The following DLL4 variants were observed in gnomAD, a reference collection of about 807,000 sequenced individuals.
The protein encoded by DLL4 is delta-like protein 4.
A neutral mutation model predicts 73.6 loss-of-function variants in DLL4; 7 were observed. The ratio of observed to expected loss-of-function variants is 0.10; its 90% CI spans 0.05 to 0.18. The LOEUF (loss-of-function observed/expected upper bound fraction) is 0.18, where lower values mean the gene tolerates loss of function less well. Among genes scored for constraint, DLL4 ranks in the 10% least tolerant of loss-of-function variants. The probability of loss-of-function intolerance (pLI) is 1.00; values close to 1 mark genes in which losing one functional copy is unlikely to be tolerated. For synonymous variants in DLL4, 345 were observed against 374.3 expected (o/e 0.92, Z 0.90); for missense variants, 614 against 929.9 (o/e 0.66, Z 4.42).
Position 40,936,860 on chromosome 15 carries a change from G to A in DLL4, c.1873G>A (p.Gly625Arg), listed in dbSNP as rs374530606. 175 of 1,613,092 alleles carry A rather than the reference G, an allele frequency of 1.1e-4. No individual in the cohort carries two copies. Among genetic ancestry groups the A allele is most frequent in the Non-Finnish European group, 1.4e-4 (164 of 1,179,870 alleles). The part of the protein sequence containing the change: ...YNLAPGPLGR[G>R]TMPGKFPHSD... ...TCTGGCCCCAGGGCCCCTGGGGCGGGGGACCATGCCAGGAAAGTTTCCCCA... is the reference window on the plus strand; with the variant it reads ...TCTGGCCCCAGGGCCCCTGGGGCGGAGGACCATGCCAGGAAAGTTTCCCCA... Residue 625 changes from glycine to arginine, a missense_variant, in exon 9 of 11, where the codon GGG becomes AGG. Coordinates refer to ENST00000249749, the MANE Select transcript of DLL4 (RefSeq NM_019074.4).
chr15:40,934,587 G>A lies in DLL4; in HGVS notation c.890G>A (p.Gly297Glu), dbSNP rs1208822131. Residue 297 changes from glycine to glutamate, a missense_variant, in exon 7 of 11, where the codon GGG becomes GAG. Gly to Glu is a moderately conservative substitution (Grantham distance 98, BLOSUM62 -2). Transcript: ENST00000249749. ...ACCCACCACTCCCCATGCAAGAATG[G>A]GGCAACGTGCTCCAACAGTGGGCAG... ...YCTHHSPCKN[G>E]ATCSNSGQRS... 2.5e-6 allele frequency: 4 copies of A among 1,613,750 alleles called. No homozygotes were observed. The highest frequency in any genetic ancestry group is 3.3e-5 in the Admixed American group (2 of 59,986).
chr15:40,938,839 T>C lies in DLL4; in HGVS notation c.*805T>C, dbSNP rs1249488688. On this transcript the variant is annotated 3_prime_UTR_variant, in exon 11 of 11. Transcript: ENST00000249749. ...TGGGCCCTTTCCTCCCTCAAGCCCA[T>C]CTCCACAACCTCGAGCCTGGGCTCT... is the stretch of plus-strand genomic sequence containing the variant. 1 of 152,156 alleles carries C rather than the reference T, an allele frequency of 6.6e-6. No individual in the cohort carries two copies. The highest frequency in any genetic ancestry group is 1.5e-5 in the Non-Finnish European group (1 of 67,984). 9.4% of individuals were successfully genotyped at this position (152,156 alleles called of 1,614,324 possible).
In DLL4 at chr15:40,930,289, G is replaced by T; in HGVS notation, c.336+173G>T. The T allele has an allele frequency of 5.9e-6, 5 of 841,984 alleles. No homozygotes were observed. Among genetic ancestry groups the T allele is most frequent in the Non-Finnish European group, 9.0e-6 (5 of 554,644 alleles). 52.2% of individuals were successfully genotyped at this position (841,984 alleles called of 1,614,324 possible). ...TCTCCTGAGACTGATCCCAGAAAAG[G>T]CTCTCACCAGTCTCCGTCTTCCCAG... On this transcript the variant is annotated intron_variant, in intron 2 of 10. Transcript: ENST00000249749. The surrounding 1 kb of genome is among the most constrained non-coding windows in gnomAD (Gnocchi z 5.7).
Position 40,930,770 on chromosome 15 carries a change from T to G in DLL4, c.394+88T>G. The stretch of plus-strand genomic sequence containing the variant: ...GTTCTAGGCGGGGGAAGTGCGGGCT[T>G]GGGGGTGGGAGGCAGGACGCTTAGC... On this transcript the variant is annotated intron_variant, in intron 3 of 10. Transcript: ENST00000249749. The surrounding 1 kb of genome is among the most constrained non-coding windows in gnomAD (Gnocchi z 5.7). 5.2e-5 allele frequency: 64 copies of G among 1,222,454 alleles called. No homozygotes were observed. Among genetic ancestry groups the G allele is most frequent in the Non-Finnish European group, 6.2e-5 (53 of 849,010 alleles). The allele number at this position is 1,222,454 out of a possible 1,614,324, so 75.7% of individuals were successfully genotyped here.
chr15:40,933,083 C>T (rs545928240), intron 6 of DLL4, among the ~76,000 whole-genome samples: 1 of 152,278 alleles, frequency 6.6e-6, no homozygotes, highest in South Asian at 2.1e-4. Context: ...AGCCTTTTTT[C>T]TTGCATCCTG....
rs1869626835 is a variant in DLL4 at position 40,930,874 on chromosome 15, C to A, written c.394+192C>A. 4 of 628,484 alleles carry A rather than the reference C, an allele frequency of 6.4e-6. No homozygotes were observed. The highest frequency in any genetic ancestry group is 3.0e-5 in the Admixed American group (1 of 33,056). The allele number at this position is 628,484 out of a possible 1,614,324, so 38.9% of individuals were successfully genotyped here. On this transcript the variant is annotated intron_variant, in intron 3 of 10. Coordinates refer to ENST00000249749, the MANE Select transcript of DLL4 (RefSeq NM_019074.4). This position sits in a 1 kb window ranked among gnomAD's most constrained non-coding sequence, Gnocchi z 5.7. Reference sequence around the variant, plus strand: ...ACTCAGAGCACAATTGCGTTTCCTGCGGGTTATTTTTGGCGTGGGAACGCG... The same window carrying A: ...ACTCAGAGCACAATTGCGTTTCCTGAGGGTTATTTTTGGCGTGGGAACGCG...
intron 9 of DLL4, among the ~76,000 whole-genome samples, chr15:40,937,139 G>A (rs1444170486): frequency 6.6e-6 from 1 of 152,214 alleles, no homozygotes; most frequent in African/African-American, 2.4e-5. Flanking sequence ...TCCCTAGGGT[G>A]TCTCTTGTGA....
chr15:40,931,291 G>GC, intron 3 of DLL4: 2 of 602,600 alleles, frequency 3.3e-6, no homozygotes, highest in Non-Finnish European at 5.9e-6. Flanking sequence ...ATACTATCAG[G>GC]CCCCCTGCAC....
chr15:40,930,785 G>T lies in DLL4; in HGVS notation c.394+103G>T. On this transcript the variant is annotated intron_variant, in intron 3 of 10. Transcript: ENST00000249749. The surrounding 1 kb of genome is among the most constrained non-coding windows in gnomAD (Gnocchi z 5.7). ...AGTGCGGGCTTGGGGGTGGGAGGCA[G>T]GACGCTTAGCTTGGCCTGGAGCTGC... 8.1e-7 allele frequency: 1 copy of T among 1,229,216 alleles called. No homozygotes were observed. Among genetic ancestry groups the T allele is most frequent in the Non-Finnish European group, 1.2e-6 (1 of 860,002 alleles). 76.1% of individuals were successfully genotyped at this position (1,229,216 alleles called of 1,614,324 possible).
chr15:40,936,687 C>T lies in DLL4; in HGVS notation c.1700C>T (p.Ala567Val). Residue 567 changes from alanine (A) to valine (V), a missense_variant, in exon 9 of 11, where the codon GCC becomes GTC. By Grantham distance (64) the Ala-to-Val change is moderately conservative. Coordinates refer to ENST00000249749, the MANE Select transcript of DLL4 (RefSeq NM_019074.4). ...CGGCCGGACGACGGCAGCAGGGAAG[C>T]CATGAACAACTTGTCGGACTTCCAG... ...LRRPDDGSREAMNNLSDFQKD... is the reference protein window; with the variant it reads ...LRRPDDGSREVMNNLSDFQKD... 1 of 1,613,528 alleles carries T rather than the reference C, an allele frequency of 6.2e-7. No homozygotes were observed. The highest frequency in any genetic ancestry group is 8.5e-7 in the Non-Finnish European group (1 of 1,179,894).
chr15:40,936,681 G>A lies in DLL4; in HGVS notation c.1694G>A (p.Arg565Lys). ...CTTCGACGGCCGGACGACGGCAGCA[G>A]GGAAGCCATGAACAACTTGTCGGAC... is the stretch of plus-strand genomic sequence containing the variant. Reference protein sequence around the residue: ...LRLRRPDDGSREAMNNLSDFQ... With the variant: ...LRLRRPDDGSKEAMNNLSDFQ... Residue 565 changes from arginine (R) to lysine (K), a missense_variant, in exon 9 of 11, where the codon AGG (arginine) becomes AAG (lysine). Transcript: ENST00000249749. 2 of 1,613,316 alleles carry A rather than the reference G, an allele frequency of 1.2e-6. No homozygotes were observed. The highest frequency in any genetic ancestry group is 1.7e-6 in the Non-Finnish European group (2 of 1,179,880).
chr15:40,935,128 C>T lies in DLL4; in HGVS notation c.1240+11C>T, dbSNP rs561817065. ...ACCCCTGTGCCAACGGTGCGTGCTG[C>T]TGCCCTGCTAACCTGGTGGACTGGC... On this transcript the variant is annotated intron_variant, in intron 8 of 10. Coordinates refer to ENST00000249749, the MANE Select transcript of DLL4 (RefSeq NM_019074.4). 14 of 1,607,324 alleles carry T rather than the reference C, an allele frequency of 8.7e-6. No homozygotes were observed. The South Asian group carries it at 1.3e-4, about 15-fold the overall frequency.
chr15:40,931,503 A>G lies in DLL4; in HGVS notation c.395A>G (p.Glu132Gly). ...WHAPGDDLRP[E>G]ALPPDALISK... ...CTGACCCGACCCTCTGCCCCCTCAG[A>G]GGCCTTGCCACCAGATGCACTCATC... Residue 132 changes from glutamate (E) to glycine (G), a missense_variant and splice_region_variant, in exon 4 of 11, where the codon GAG becomes GGG. By Grantham distance (98) the Glu-to-Gly change is moderately conservative. Around this residue, in one of 3 missense-constraint regions of DLL4, gnomAD observed 227 missense variants for 370.8 expected, o/e 0.61. Coordinates refer to ENST00000249749, the MANE Select transcript of DLL4 (RefSeq NM_019074.4). The G allele has an allele frequency of 6.2e-7, 1 of 1,607,286 alleles. No individual in the cohort carries two copies. Among genetic ancestry groups the G allele is most frequent in the Non-Finnish European group, 8.5e-7 (1 of 1,177,256 alleles).
intron 4 of DLL4, 99 bp from the exon 5 acceptor site, chr15:40,932,072 G>T (rs748363626): frequency 2.9e-6 from 4 of 1,402,852 alleles, no homozygotes; most frequent in African/African-American, 1.4e-5. Flanking sequence ...TAGGAAGAGG[G>T]CCCAGGAGAG....
chr15:40,930,765 G>A lies in DLL4; in HGVS notation c.394+83G>A. The A allele has an allele frequency of 7.0e-7, 1 of 1,421,192 alleles. No homozygotes were observed. Among genetic ancestry groups the A allele is most frequent in the Non-Finnish European group, 9.8e-7 (1 of 1,024,542 alleles). The allele number at this position is 1,421,192 out of a possible 1,614,324, so 88.0% of individuals were successfully genotyped here. A position where few individuals can be genotyped will look rare whatever the true frequency, so the allele number is the denominator to read the frequency against. On this transcript the variant is annotated intron_variant, in intron 3 of 10. Transcript: ENST00000249749. The surrounding 1 kb of genome is among the most constrained non-coding windows in gnomAD (Gnocchi z 5.7). ...AATCTGTTCTAGGCGGGGGAAGTGCGGGCTTGGGGGTGGGAGGCAGGACGC... is the reference window on the plus strand; with the variant it reads ...AATCTGTTCTAGGCGGGGGAAGTGCAGGCTTGGGGGTGGGAGGCAGGACGC...
At chr15:40,931,454 C>T (rs1409565365) in intron 3 of DLL4, 49 bp from the exon 4 acceptor site, 2 of 1,570,972 alleles carry the variant, frequency 1.3e-6, no homozygotes, top group Non-Finnish European at 8.6e-7. Flanking sequence ...GTCACTGGCA[C>T]CCTTGGGGAC....
rs1486481465 is a variant in DLL4, at chr15:40,932,457, G to C, written c.850+10G>C. 1 of 1,613,690 alleles carries C rather than the reference G, an allele frequency of 6.2e-7. No homozygotes were observed. The highest frequency in any genetic ancestry group is 8.5e-7 in the Non-Finnish European group (1 of 1,179,872). ...CTGTTTTGTGACCAAGGTGAGTCAG[G>C]GTGAAGAGAGGGTGCAGAGGGTGCA... On this transcript the variant is annotated intron_variant, in intron 6 of 10. Coordinates refer to ENST00000249749, the MANE Select transcript of DLL4 (RefSeq NM_019074.4).
In DLL4 at chr15:40,931,713, C is replaced by T; in HGVS notation, c.605C>T (p.Pro202Leu). The T allele has an allele frequency of 6.2e-7, 1 of 1,613,846 alleles. No homozygotes were observed. Among genetic ancestry groups the T allele is most frequent in the Non-Finnish European group, 8.5e-7 (1 of 1,179,886 alleles). ...CACTTCGGCCACTATGTGTGCCAGC[C>T]AGATGGCAACTTGTCCTGCCTGCCC... ...NDHFGHYVCQPDGNLSCLPGW... is the reference protein window; with the variant it reads ...NDHFGHYVCQLDGNLSCLPGW... Residue 202 changes from proline to leucine, a missense_variant, in exon 4 of 11, where the codon CCA (proline) becomes CTA (leucine). Pro to Leu is a moderately conservative substitution (Grantham distance 98). Coordinates refer to ENST00000249749, the MANE Select transcript of DLL4 (RefSeq NM_019074.4).
chr15:40,937,597 G>C (rs1391227632), intron 10 of DLL4, 71 bp downstream of exon 10: 1 of 1,140,980 alleles, frequency 8.8e-7, no homozygotes, highest in Admixed American at 1.7e-5. Flanking sequence ...CTTGACCCAT[G>C]GGCCATTCCT....
Sources: allele counts gnomAD v4.1 joint callset (sites outside exome capture counted in the v4.1 genomes callset), GRCh38; gene constraint gnomAD v4.1.1; regional missense constraint gnomAD v4.1.1; non-coding constraint Gnocchi (gnomAD v3.1); transcripts MANE v1.5; gene names NCBI Gene and HGNC (gene_info 2026-07-23, HGNC 2026-07-21).